The following RBPMS variants were observed in gnomAD, a reference collection of about 807,000 sequenced individuals.
The protein encoded by RBPMS is RNA-binding protein with multiple splicing.
A neutral mutation model predicts 26.8 loss-of-function variants in RBPMS; 7 were observed. That is an observed-to-expected ratio of 0.26 (90% CI 0.15 to 0.49). The LOEUF (loss-of-function observed/expected upper bound fraction) is 0.49. Among genes scored for constraint, RBPMS ranks in the 20% least tolerant of loss-of-function variants. RBPMS has a pLI of 0.98. For missense variants in RBPMS, 186 were observed against 250.0 expected, an observed-to-expected ratio of 0.74 and a Z score of 1.73; for synonymous variants, 96 against 93.3, an observed-to-expected ratio of 1.03 and a Z score of -0.17.
intron 1 of RBPMS, among the ~76,000 whole-genome samples, chr8:30,440,129 G>A (rs1189273261): frequency 6.6e-6 from 1 of 152,042 alleles, no homozygotes; most frequent in Non-Finnish European, 1.5e-5. Context: ...TTGGAGACGG[G>A]GTCTCATTCT....
chr8:30,556,896 C>T (rs1826977777), intron 6 of RBPMS: 4 of 360,656 alleles, frequency 1.1e-5, no homozygotes, highest in Non-Finnish European at 1.5e-5. Flanking sequence ...CCCATCTTCC[C>T]CACTCTTGCC....
At chr8:30,507,598 G>A (rs369996826) in intron 5 of RBPMS, among the ~76,000 whole-genome samples, 28 of 152,122 alleles carry the variant, frequency 1.8e-4, no homozygotes, top group African/African-American at 6.8e-4. Flanking sequence ...TAATAGAATT[G>A]ATCATTAATT....
chr8:30,457,809 C>T (rs1419330470), intron 1 of RBPMS, among the ~76,000 whole-genome samples: 1 of 152,100 alleles, frequency 6.6e-6, no homozygotes, highest in Non-Finnish European at 1.5e-5. Context: ...AACTCCTGAC[C>T]TCGTGATCTG....
chr8:30,537,678 GT>G (rs1324553304), intron 5 of RBPMS: 1 of 455,790 alleles, frequency 2.2e-6, no homozygotes, highest in Non-Finnish European at 4.4e-6. Flanking sequence ...TGTGAGAGTC[GT>G]TGGGCTGGAT....
chr8:30,463,471 A>C (rs1816170941), intron 1 of RBPMS, among the ~76,000 whole-genome samples: 1 of 152,248 alleles, frequency 6.6e-6, no homozygotes. Flanking sequence ...TCGGGTTAAA[A>C]TATTATCACA....
At chr8:30,558,732 T>A (rs1228416072) in intron 6 of RBPMS, 155 bp from the exon 7 acceptor site, 1 of 713,142 alleles carries the variant, frequency 1.4e-6, no homozygotes, top group African/African-American at 1.7e-5. Flanking sequence ...ACCGCTCTGA[T>A]GCTTTTCAGC....
intron 8 of RBPMS, among the ~76,000 whole-genome samples, chr8:30,568,816 G>C (rs1166013016): frequency 6.6e-6 from 1 of 151,822 alleles, no homozygotes; most frequent in African/African-American, 2.4e-5. Flanking sequence ...CTTGTTTACA[G>C]GGACTGAAAT....
At chr8:30,566,405 C>T (rs1161930768) in intron 8 of RBPMS, 45 bp downstream of exon 8, 7 of 648,258 alleles carry the variant, frequency 1.1e-5, no homozygotes, top group South Asian at 6.9e-5. Flanking sequence ...GGCGGCATGG[C>T]GAACACGTGG....
intron 1 of RBPMS, among the ~76,000 whole-genome samples, chr8:30,469,448 A>T (rs1371250045): frequency 6.6e-6 from 1 of 152,064 alleles, no homozygotes; most frequent in East Asian, 1.9e-4. Flanking sequence ...AGCCAAGAAC[A>T]CTCTTGCTCT....
intron 1 of RBPMS, among the ~76,000 whole-genome samples, chr8:30,465,972 T>C (rs10099712): frequency 0.24 from 36,996 of 152,090 alleles, 4,852 homozygotes; most frequent in East Asian, 0.42. Context: ...GCCTTATGAA[T>C]TATGGAACAT....
At chr8:30,507,474 CT>C (rs1821186013) in intron 5 of RBPMS, among the ~76,000 whole-genome samples, 1 of 152,172 alleles carries the variant, frequency 6.6e-6, no homozygotes, top group South Asian at 2.1e-4. Flanking sequence ...AGATATTGAT[CT>C]TCTGAGTTGT....
chr8:30,547,560 T>C, intron 6 of RBPMS: 4 of 1,320,000 alleles, frequency 3.0e-6, no homozygotes, highest in Non-Finnish European at 4.1e-6. Context: ...GGTGATGCAA[T>C]TTTGGAGCAA....
intron 7 of RBPMS, chr8:30,564,172 A>C (rs1827720958): frequency 6.6e-6 from 1 of 152,202 alleles, no homozygotes; most frequent in Non-Finnish European, 1.5e-5. Context: ...GTAACATCTC[A>C]GCAAAGACCT....
intron 1 of RBPMS, among the ~76,000 whole-genome samples, chr8:30,437,648 G>C (rs750860464): frequency 1.3e-5 from 2 of 152,120 alleles, no homozygotes; most frequent in Non-Finnish European, 2.9e-5. Flanking sequence ...AAAATTAGCC[G>C]GGCATGATAT....
At chr8:30,511,909 A>T (rs1821759616) in intron 5 of RBPMS, among the ~76,000 whole-genome samples, 1 of 152,214 alleles carries the variant, frequency 6.6e-6, no homozygotes, top group African/African-American at 2.4e-5. Context: ...GCTGAAGTTG[A>T]ACCACCAGAT....
intron 1 of RBPMS, among the ~76,000 whole-genome samples, chr8:30,428,010 G>C (rs1811538423): frequency 6.7e-6 from 1 of 148,198 alleles, no homozygotes; most frequent in Non-Finnish European, 1.5e-5. Context: ...GCAACAAAAT[G>C]AGACCCCATC....
At chr8:30,506,725 T>A (rs780280108) in intron 5 of RBPMS, among the ~76,000 whole-genome samples, 2 of 152,216 alleles carry the variant, frequency 1.3e-5, no homozygotes, top group African/African-American at 4.8e-5. Context: ...TTGTAGGCCA[T>A]AGAGGTTTTT....
rs117022602 is a variant in RBPMS, at chr8:30,524,937, C to T, written c.398-19557C>T. On this transcript the variant is annotated intron_variant, in intron 5 of 8. Transcript: ENST00000397323. ...AAAGCTGGGATCCTATTGGAATATT[C>T]CAAGTTTAGTCTATCATACCATTTT... Among the ~76,000 whole-genome samples the T allele has an allele frequency of 5.0e-3, 767 of 152,182 alleles. 4 individuals carry two copies. Among genetic ancestry groups the T allele is most frequent in the Non-Finnish European group, 7.3e-3 (494 of 67,988 alleles).
intron 7 of RBPMS, among the ~76,000 whole-genome samples, chr8:30,562,407 G>A (rs111764961): frequency 0.013 from 1,941 of 152,056 alleles, 49 homozygotes; most frequent in African/African-American, 0.043. Context: ...CCATGGGCCA[G>A]ACTCCTTCCT....
Sources: allele counts gnomAD v4.1 joint callset (sites outside exome capture counted in the v4.1 genomes callset), GRCh38; gene constraint gnomAD v4.1.1; transcripts MANE v1.5; gene names NCBI Gene and HGNC (gene_info 2026-07-23, HGNC 2026-07-21).